IMMP2L: variants seen among roughly 807,000 people sequenced by gnomAD.
IMMP2L encodes the protein mitochondrial inner membrane protease subunit 2.
A neutral mutation model predicts 19.3 loss-of-function variants in IMMP2L; 18 were observed. The observed-to-expected ratio is 0.93, with a 90% CI of 0.64 to 1.38. IMMP2L has a LOEUF of 1.38. IMMP2L is among the 40% of genes most tolerant of loss of function. The probability of loss-of-function intolerance (pLI) is 0.00; values close to 1 mark genes in which losing one functional copy is unlikely to be tolerated. For synonymous variants in IMMP2L, 76 were observed against 73.0 expected (o/e 1.04, Z -0.21); for missense variants, 233 against 218.2 (o/e 1.07, Z -0.43).
At chr7:111,385,880 G>A (rs142504163) in intron 3 of IMMP2L, among the ~76,000 whole-genome samples, 2,640 of 151,936 alleles carry the variant, frequency 0.017, 56 homozygotes, top group Middle Eastern at 0.078. Flanking sequence ...TCAGTAAGGC[G>A]GGGTGAAGGA....
chr7:111,215,139 A>C (rs1345015532), intron 3 of IMMP2L, among the ~76,000 whole-genome samples: 1 of 152,196 alleles, frequency 6.6e-6, no homozygotes, highest in Non-Finnish European at 1.5e-5. Flanking sequence ...GGTTGCAACC[A>C]CACAGAGACA....
At chr7:110,839,115 T>C (rs1326774247) in intron 5 of IMMP2L, among the ~76,000 whole-genome samples, 1 of 152,108 alleles carries the variant, frequency 6.6e-6, no homozygotes, top group African/African-American at 2.4e-5. Context: ...TCTTAATATA[T>C]GAAAATACAG....
At chr7:110,665,234 A>C (rs1791360739) in intron 5 of IMMP2L, among the ~76,000 whole-genome samples, 1 of 152,184 alleles carries the variant, frequency 6.6e-6, no homozygotes, top group Non-Finnish European at 1.5e-5. Context: ...AAAAGTAAGC[A>C]TTTACATTTT....
intron 3 of IMMP2L, among the ~76,000 whole-genome samples, chr7:111,254,138 G>A (rs1816444388): frequency 6.6e-6 from 1 of 152,122 alleles, no homozygotes; most frequent in Non-Finnish European, 1.5e-5. Flanking sequence ...TGAGATTTCT[G>A]AGTGATAAAG....
intron 4 of IMMP2L, among the ~76,000 whole-genome samples, chr7:110,938,506 GAA>G (rs1307437978): frequency 2.0e-5 from 3 of 152,082 alleles, no homozygotes; most frequent in Non-Finnish European, 4.4e-5. Context: ...TTCTCCAAAT[GAA>G]ACAACAAGAA....
intron 5 of IMMP2L, among the ~76,000 whole-genome samples, chr7:110,839,898 C>T (rs1305896800): frequency 6.6e-6 from 1 of 152,124 alleles, no homozygotes; most frequent in Non-Finnish European, 1.5e-5. Context: ...TGCTTGCACA[C>T]ATCCCTCCCT....
chr7:111,354,902 C>T (rs1270517321), intron 3 of IMMP2L, among the ~76,000 whole-genome samples: 2 of 151,688 alleles, frequency 1.3e-5, no homozygotes, highest in East Asian at 1.9e-4. Flanking sequence ...GCCATTCATT[C>T]GACAAAAAGT....
chr7:110,968,795 A>G lies in IMMP2L; in HGVS notation c.240-5230T>C, dbSNP rs533200739. Among the ~76,000 whole-genome samples the G allele has an allele frequency of 4.6e-5, 7 of 152,270 alleles. No individual in the cohort carries two copies. The South Asian group carries it at 1.4e-3, about 32-fold the overall frequency. On this transcript the variant is annotated intron_variant, in intron 3 of 5. Transcript: ENST00000405709. ...AATCTTGAAAAATGTTCCTACCTAG[A>G]GCATCATGTAACTAGTGAGAGAAAA...
chr7:111,421,355 C>G (rs1585035546), intron 3 of IMMP2L, among the ~76,000 whole-genome samples: 1 of 149,466 alleles, frequency 6.7e-6, no homozygotes, highest in East Asian at 2.0e-4. Flanking sequence ...CTGCAAGCTC[C>G]GCCTCCCGGG....
intron 3 of IMMP2L, chr7:111,097,265 G>T (rs2129579096): frequency 6.6e-6 from 1 of 152,012 alleles, no homozygotes; most frequent in East Asian, 1.9e-4. Context: ...AGCAGAATGT[G>T]TTCTCCAGGG....
chr7:111,448,203 C>A (rs1358747924), intron 3 of IMMP2L, among the ~76,000 whole-genome samples: 5 of 125,560 alleles, frequency 4.0e-5, no homozygotes, highest in Non-Finnish European at 8.0e-5. Flanking sequence ...CTGCACCAAG[C>A]GGACCTAATA....
At chr7:111,021,213 G>A (rs777252118) in intron 3 of IMMP2L, among the ~76,000 whole-genome samples, 5 of 152,182 alleles carry the variant, frequency 3.3e-5, no homozygotes, top group Non-Finnish European at 7.4e-5. Context: ...CCTCATGGCA[G>A]ACAAAACAGT....
intron 5 of IMMP2L, among the ~76,000 whole-genome samples, chr7:110,777,347 G>A (rs145669674): frequency 6.6e-6 from 1 of 151,850 alleles, no homozygotes; most frequent in East Asian, 1.9e-4. Flanking sequence ...TGTTTCCATG[G>A]GGGATAAATA....
intron 3 of IMMP2L, among the ~76,000 whole-genome samples, chr7:111,229,270 A>G (rs961439065): frequency 1.6e-4 from 25 of 152,086 alleles, no homozygotes; most frequent in Non-Finnish European, 3.1e-4. Context: ...TCCCTTTGAA[A>G]GGAAATACCG....
chr7:111,491,261 A>C (rs1843074899), intron 2 of IMMP2L, among the ~76,000 whole-genome samples: 1 of 152,168 alleles, frequency 6.6e-6, no homozygotes, highest in Admixed American at 6.6e-5. Flanking sequence ...TTATGTTAAC[A>C]GTAAGGCTTC....
chr7:111,375,395 A>G (rs1830598125), intron 3 of IMMP2L, among the ~76,000 whole-genome samples: 1 of 152,118 alleles, frequency 6.6e-6, no homozygotes, highest in Non-Finnish European at 1.5e-5. Context: ...CTCGTTCATA[A>G]TATCTGAGTG....
intron 3 of IMMP2L, among the ~76,000 whole-genome samples, chr7:111,473,314 T>C (rs796096137): frequency 2.6e-5 from 4 of 152,196 alleles, no homozygotes; most frequent in African/African-American, 9.6e-5. Flanking sequence ...AGTTAGTGTA[T>C]TCATCTATTC....
intron 3 of IMMP2L, among the ~76,000 whole-genome samples, chr7:111,316,974 C>T (rs1824174367): frequency 6.7e-6 from 1 of 149,516 alleles, no homozygotes; most frequent in African/African-American, 2.5e-5. Flanking sequence ...CTCAGTCTCT[C>T]AAGTAGCTGG....
chr7:111,122,222 T>TA (rs199642974), intron 3 of IMMP2L, among the ~76,000 whole-genome samples: 14,779 of 149,996 alleles, frequency 0.099, 1,658 homozygotes, highest in African/African-American at 0.28. Context: ...TAAAGTATAA[T>TA]AAAAAAAAAG....
Sources: allele counts gnomAD v4.1 joint callset (sites outside exome capture counted in the v4.1 genomes callset), GRCh38; gene constraint gnomAD v4.1.1; transcripts MANE v1.5; gene names NCBI Gene and HGNC (gene_info 2026-07-23, HGNC 2026-07-21).